NRK: variants seen among roughly 807,000 people sequenced by gnomAD.
The protein encoded by NRK is nik-related protein kinase.
In NRK, 67 loss-of-function variants were observed where a neutral mutation model predicts 125.2. That is an observed-to-expected ratio of 0.54 (90% CI 0.44 to 0.66). The LOEUF is 0.66. Ranked by LOEUF, NRK falls within the 30% of genes least tolerant of loss-of-function variation. NRK has a pLI of 0.00. For missense variants in NRK, 1,224 were observed against 1,192.9 expected (o/e 1.03, Z -0.38); for synonymous variants, 458 against 429.0 (o/e 1.07, Z -0.84).
chrX:105,945,748 G>A (rs769906125), intron 24 of NRK, 124 bp from the exon 25 acceptor site: 9 of 555,087 alleles, frequency 1.6e-5, no homozygotes, highest in Non-Finnish European at 2.4e-5. Flanking sequence ...GTCCTCTACC[G>A]TGATCTGATC....
intron 1 of NRK, among the ~76,000 whole-genome samples, 161 bp downstream of exon 1, chrX:105,823,063 C>A (rs1451294287): frequency 8.8e-6 from 1 of 113,228 alleles, no homozygotes; most frequent in Admixed American, 9.2e-5. Flanking sequence ...GGAAAAGGCG[C>A]CCCCTGGGCA....
At chrX:105,832,263 T>C (rs1339352650) in intron 2 of NRK, among the ~76,000 whole-genome samples, 1 of 111,337 alleles carries the variant, frequency 9.0e-6, no homozygotes, top group Middle Eastern at 4.2e-3. Context: ...AGGATAAATA[T>C]GAGGTAACCA....
intron 17 of NRK, among the ~76,000 whole-genome samples, chrX:105,922,774 CAG>C (rs1207801395): frequency 9.0e-6 from 1 of 111,528 alleles, no homozygotes; most frequent in East Asian, 2.8e-4. Context: ...ATCCCAATGT[CAG>C]GGGATAAAAC....
intron 2 of NRK, among the ~76,000 whole-genome samples, chrX:105,836,374 C>G (rs895349778): frequency 3.6e-5 from 4 of 111,775 alleles, no homozygotes; most frequent in African/African-American, 1.3e-4. Flanking sequence ...AGATAGAGAA[C>G]AATTTCTAAC....
rs750879173 is a variant in NRK at position 105,822,798 on chromosome X, T to G, written c.-48T>G. ...CTTCATCCGCTTCCACCTCAGACTC[T>G]GCGCGCACCCAATTCAGTCGCCCGC... On this transcript the variant is annotated 5_prime_UTR_variant, in exon 1 of 29. Transcript: ENST00000243300. The G allele has an allele frequency of 4.1e-5, 46 of 1,114,148 alleles. No homozygotes were observed. The Admixed American group carries it at 1.1e-3, about 28-fold the overall frequency. 91.8% of individuals were successfully genotyped at this position (1,114,148 alleles called of 1,213,427 possible).
intron 18 of NRK, 86 bp downstream of exon 18, chrX:105,923,568 C>A: frequency 1.7e-6 from 1 of 593,326 alleles, no homozygotes. Flanking sequence ...AAATTTATTA[C>A]CAAGAGAGTG....
intron 19 of NRK, among the ~76,000 whole-genome samples, chrX:105,930,684 G>A (rs933033439): frequency 3.6e-5 from 4 of 110,782 alleles, no homozygotes; most frequent in African/African-American, 1.3e-4. Flanking sequence ...TCCATCTGAT[G>A]GAGCAATTGC....
In NRK at chrX:105,900,516, T is replaced by G. The variant is rs982158151; in HGVS notation, c.712-102T>G. ...TTATGGGAAACCCATAAAAGAGCTCTGGCATTGACATCCACACCCCCAGCT... is the reference window on the plus strand; with the variant it reads ...TTATGGGAAACCCATAAAAGAGCTCGGGCATTGACATCCACACCCCCAGCT... On this transcript the variant is annotated intron_variant, in intron 8 of 28. Coordinates refer to ENST00000243300, the MANE Select transcript of NRK (RefSeq NM_198465.4). 4.5e-5 allele frequency: 23 copies of G among 511,453 alleles called. No homozygotes were observed. The African/African-American group carries it at 5.2e-4, about 12-fold the overall frequency. The allele number at this position is 511,453 out of a possible 1,213,427, so 42.1% of individuals were successfully genotyped here. A position where few individuals can be genotyped will look rare whatever the true frequency, so the allele number is the denominator to read the frequency against.
At chrX:105,922,178 C>T in intron 17 of NRK, 117 bp downstream of exon 17, 1 of 385,840 alleles carries the variant, frequency 2.6e-6, no homozygotes, top group South Asian at 5.9e-5. Flanking sequence ...TTTTAATTAA[C>T]ATTTTAAGGA....
intron 2 of NRK, among the ~76,000 whole-genome samples, chrX:105,871,812 AG>A (rs767101417): frequency 8.9e-6 from 1 of 111,971 alleles, no homozygotes; most frequent in South Asian, 3.8e-4. Flanking sequence ...ATGTGAAGAT[AG>A]GACATTTCTC....
chrX:105,859,613 T>TA (rs1390419191), intron 2 of NRK, among the ~76,000 whole-genome samples: 1 of 112,242 alleles, frequency 8.9e-6, no homozygotes, highest in Non-Finnish European at 1.9e-5. Flanking sequence ...ATTTCAGAAA[T>TA]ACACTGGAAT....
chrX:105,851,954 G>A (rs1257362046), intron 2 of NRK, among the ~76,000 whole-genome samples: 1 of 111,895 alleles, frequency 8.9e-6, no homozygotes, highest in Non-Finnish European at 1.9e-5. Flanking sequence ...AGGCTACATA[G>A]TATTAAACAG....
intron 9 of NRK, among the ~76,000 whole-genome samples, chrX:105,901,913 CATACTT>C (rs772854668): frequency 9.0e-6 from 1 of 110,569 alleles, no homozygotes; most frequent in Non-Finnish European, 1.9e-5. Context: ...GTTTTGGAAA[CATACTT>C]AGATTATGTT....
At chrX:105,826,368 T>TTATATATATTATCATATATATAATA (rs1372172840) in intron 1 of NRK, among the ~76,000 whole-genome samples, 31 of 79,605 alleles carry the variant, frequency 3.9e-4, no homozygotes, top group African/African-American at 1.7e-3. Context: ...ATATAATATA[T>TTATATATATTATCATATATATAATA]TATATATATT....
chrX:105,912,727 C>T lies in NRK; in HGVS notation c.2321C>T (p.Pro774Leu). Residue 774 changes from proline (P) to leucine (L), a missense_variant, in exon 14 of 29, where the codon CCA (proline) becomes CTA (leucine). By Grantham distance (98) the Pro-to-Leu change is moderately conservative. Transcript: ENST00000243300. The stretch of plus-strand genomic sequence containing the variant: ...GAAGTCCAGATAGAGCCATTGAAGC[C>T]ATACATTTCAAATCCTAAAAAAATT... Reference protein sequence around the residue: ...QAEVQIEPLKPYISNPKKIEV... With the variant: ...QAEVQIEPLKLYISNPKKIEV... 1 of 1,092,206 alleles carries T rather than the reference C, an allele frequency of 9.2e-7. No homozygotes were observed. Among genetic ancestry groups the T allele is most frequent in the South Asian group, 2.2e-5 (1 of 46,260 alleles). 90.0% of individuals were successfully genotyped at this position (1,092,206 alleles called of 1,213,427 possible). A position where few individuals can be genotyped will look rare whatever the true frequency, so the allele number is the denominator to read the frequency against.
chrX:105,917,800 A>T (rs977493400), intron 16 of NRK, 128 bp downstream of exon 16: 2 of 384,105 alleles, frequency 5.2e-6, no homozygotes, highest in Admixed American at 9.6e-5. Context: ...CCCAAGTAGG[A>T]TTAGGACCTG....
intron 26 of NRK, chrX:105,948,860 A>T: frequency 5.7e-6 from 2 of 353,110 alleles, no homozygotes; most frequent in Non-Finnish European, 9.7e-6. Flanking sequence ...TGTTAATGTG[A>T]CAATATCTGT....
intron 2 of NRK, among the ~76,000 whole-genome samples, chrX:105,863,944 G>T (rs952531178): frequency 8.9e-6 from 1 of 112,542 alleles, no homozygotes; most frequent in South Asian, 3.6e-4. Context: ...GGAATGACTT[G>T]TTTAAGTCAC....
chrX:105,825,805 GT>G (rs2039084727), intron 1 of NRK, among the ~76,000 whole-genome samples: 1 of 110,345 alleles, frequency 9.1e-6, no homozygotes, highest in African/African-American at 3.3e-5. Context: ...ATTCCATTAT[GT>G]TTGTTAATTA....
Sources: allele counts gnomAD v4.1 joint callset (sites outside exome capture counted in the v4.1 genomes callset), GRCh38; gene constraint gnomAD v4.1.1; transcripts MANE v1.5; gene names NCBI Gene and HGNC (gene_info 2026-07-23, HGNC 2026-07-21).